ELAVL1: variants seen among roughly 807,000 people sequenced by gnomAD.
The protein encoded by ELAVL1 is ELAV-like protein 1.
Under a neutral mutation model 28.4 loss-of-function variants are expected in ELAVL1, and 1 was observed. The ratio of observed to expected loss-of-function variants is 0.04; its 90% CI spans 0.01 to 0.17. ELAVL1 has a LOEUF of 0.17. ELAVL1 is among the 10% of genes least tolerant of loss of function. ELAVL1 has a pLI of 1.00. For missense variants in ELAVL1, 157 were observed against 447.2 expected (o/e 0.35, Z 5.85); for synonymous variants, 174 against 183.5 (o/e 0.95, Z 0.42).
rs758573648 is a variant in ELAVL1 at position 7,959,271 on chromosome 19, C to T, written c.*4212G>A. 6.6e-6 allele frequency: 1 copy of T among 152,334 alleles called. No individual in the cohort carries two copies. Among genetic ancestry groups the T allele is most frequent in the Non-Finnish European group, 1.5e-5 (1 of 67,992 alleles). The allele number at this position is 152,334 out of a possible 1,614,324, so 9.4% of individuals were successfully genotyped here. ...AACAAAGTTAAAATGAAAAATGGCA[C>T]CTGAAAAATAAATTATTTTATATAA... On this transcript the variant is annotated 3_prime_UTR_variant, in exon 6 of 6. Coordinates refer to ENST00000407627, the MANE Select transcript of ELAVL1 (RefSeq NM_001419.3).
In ELAVL1 at chr19:7,979,886, T is replaced by C. The variant is rs1985406334; in HGVS notation, c.276+1197A>G. Among the ~76,000 whole-genome samples, 1 of 152,044 alleles carries C rather than the reference T, an allele frequency of 6.6e-6. No homozygotes were observed. ...AGCTGTTGGCTGAAGGTGCTGTCAC[T>C]GTCAGGTCACAGAACCCCTCTTGGT... On this transcript the variant is annotated intron_variant, in intron 3 of 5. Coordinates refer to ENST00000407627, the MANE Select transcript of ELAVL1 (RefSeq NM_001419.3). The surrounding 1 kb of genome is among the most constrained non-coding windows in gnomAD (Gnocchi z 5.4).
intron 3 of ELAVL1, among the ~76,000 whole-genome samples, chr19:7,980,448 A>C (rs1013289753): frequency 6.6e-6 from 1 of 152,118 alleles, no homozygotes; most frequent in African/African-American, 2.4e-5. Context: ...AGTGCACGAG[A>C]GCGCGGGTCA....
intron 5 of ELAVL1, among the ~76,000 whole-genome samples, chr19:7,966,046 AAAC>A (rs1984946993): frequency 6.6e-6 from 1 of 152,188 alleles, no homozygotes; most frequent in African/African-American, 2.4e-5. Flanking sequence ...TTCACTGTTA[AAAC>A]AACGATGGGG....
intron 4 of ELAVL1, among the ~76,000 whole-genome samples, chr19:7,968,822 AGCCCGTCCCTTGAG>A (rs1395223627): frequency 6.6e-6 from 1 of 152,214 alleles, no homozygotes; most frequent in African/African-American, 2.4e-5. Flanking sequence ...AAACATGAGT[AGCCCGTCCCTTGAG>A]GAACCTGGGA....
intron 2 of ELAVL1, among the ~76,000 whole-genome samples, chr19:7,985,214 C>T (rs1468612134): frequency 6.6e-6 from 1 of 152,242 alleles, no homozygotes; most frequent in Non-Finnish European, 1.5e-5. Flanking sequence ...GCCACCGCGC[C>T]CAGCCTCCTC....
At chr19:7,991,933 T>TC (rs34552465) in intron 1 of ELAVL1, 102 bp from the exon 2 acceptor site, 16 of 266,734 alleles carry the variant, frequency 6.0e-5, no homozygotes, top group Non-Finnish European at 8.0e-5. Flanking sequence ...TCTTTCTTTC[T>TC]TTTTTTTTTT....
intron 1 of ELAVL1, among the ~76,000 whole-genome samples, chr19:8,005,210 C>G (rs1347575538): frequency 2.0e-5 from 3 of 151,968 alleles, no homozygotes; most frequent in African/African-American, 7.2e-5. Flanking sequence ...CGACCGGGGC[C>G]CCCGGCCGTG....
chr19:7,976,417 AT>A (rs967392710), intron 3 of ELAVL1, among the ~76,000 whole-genome samples: 1 of 151,678 alleles, frequency 6.6e-6, no homozygotes. Flanking sequence ...AAAAAAAAGT[AT>A]TTTTTTTGAA....
At chr19:7,973,370 A>G in intron 4 of ELAVL1, 3 of 368,916 alleles carry the variant, frequency 8.1e-6, no homozygotes, top group South Asian at 1.1e-4. Context: ...AGCTGGGACT[A>G]CAGGCGCCCG....
intron 4 of ELAVL1, 146 bp downstream of exon 4, chr19:7,973,578 CA>C: frequency 9.3e-7 from 1 of 1,069,958 alleles, no homozygotes; most frequent in Non-Finnish European, 1.3e-6. Flanking sequence ...CTCCTCAAAC[CA>C]AAGCCAACGT....
intron 5 of ELAVL1, among the ~76,000 whole-genome samples, chr19:7,966,849 C>G (rs1006492399): frequency 6.6e-6 from 1 of 151,972 alleles, no homozygotes; most frequent in Non-Finnish European, 1.5e-5. Context: ...AAACTCGGGG[C>G]TTCAAGTAAT....
rs546851335 is a variant in ELAVL1, at chr19:7,972,397, A to C, written c.430+1328T>G. Among the ~76,000 whole-genome samples, 84 of 152,326 alleles carry C rather than the reference A, an allele frequency of 5.5e-4. 1 individual carries two copies. Among genetic ancestry groups the C allele is most frequent in the African/African-American group, 1.9e-3 (78 of 41,590 alleles). On this transcript the variant is annotated intron_variant, in intron 4 of 5. Coordinates refer to ENST00000407627, the MANE Select transcript of ELAVL1 (RefSeq NM_001419.3). The stretch of plus-strand genomic sequence containing the variant: ...CTGCTCATCTCTGCCTGACGGCATC[A>C]CACAAAGCCCAGAGCCCACATCCAG...
At chr19:7,970,965 T>C (rs1985093606) in intron 4 of ELAVL1, among the ~76,000 whole-genome samples, 2 of 152,166 alleles carry the variant, frequency 1.3e-5, no homozygotes, top group Non-Finnish European at 1.5e-5. Context: ...GCTACAGCCC[T>C]GGGATGGGAG....
rs148294983 is a variant in ELAVL1 at position 7,959,587 on chromosome 19, G to C, written c.*3896C>G. 2 of 152,118 alleles carry C rather than the reference G, an allele frequency of 1.3e-5. No individual in the cohort carries two copies. Among genetic ancestry groups the C allele is most frequent in the Non-Finnish European group, 2.9e-5 (2 of 68,030 alleles). The allele number at this position is 152,118 out of a possible 1,614,324, so 9.4% of individuals were successfully genotyped here. ...TTTTAAATGGCCAAGAAAGAAACCTGAACGATGTCACTGAAAGGTTGTAGA... is the reference window on the plus strand; with the variant it reads ...TTTTAAATGGCCAAGAAAGAAACCTCAACGATGTCACTGAAAGGTTGTAGA... On this transcript the variant is annotated 3_prime_UTR_variant, in exon 6 of 6. Transcript: ENST00000407627.
At chr19:7,991,932 C>CTT (rs398033838) in intron 1 of ELAVL1, 101 bp from the exon 2 acceptor site, 19,417 of 643,378 alleles carry the variant, frequency 0.03, 1 homozygote, top group Non-Finnish European at 0.034. Flanking sequence ...TTCTTTCTTT[C>CTT]TTTTTTTTTT....
intron 3 of ELAVL1, among the ~76,000 whole-genome samples, chr19:7,976,965 G>T (rs1385396074): frequency 2.6e-5 from 4 of 151,826 alleles, no homozygotes; most frequent in Admixed American, 6.6e-5. Context: ...CTGGATTACA[G>T]GCATGCACCA....
At chr19:7,986,772 G>A (rs1415972578) in intron 2 of ELAVL1, among the ~76,000 whole-genome samples, 1 of 152,196 alleles carries the variant, frequency 6.6e-6, no homozygotes, top group Admixed American at 6.5e-5. Context: ...GAGATGTTCA[G>A]CGAAGTGGAA....
At chr19:7,996,445 T>C (rs1473518971) in intron 1 of ELAVL1, among the ~76,000 whole-genome samples, 1 of 150,302 alleles carries the variant, frequency 6.7e-6, no homozygotes, top group Admixed American at 6.6e-5. Flanking sequence ...CACCTCGGCC[T>C]CCCAAAGTGC....
At position 7,979,079 on chromosome 19, in the gene ELAVL1, G is replaced by A. The variant is rs1361318195; in HGVS notation, c.276+2004C>T. ...GAATGAACACACTTGGAGCACAGAG[G>A]ACCCCAGGGCTGCGCCGGGGGAACT... On this transcript the variant is annotated intron_variant, in intron 3 of 5. Transcript: ENST00000407627. This position sits in a 1 kb window ranked among gnomAD's most constrained non-coding sequence, Gnocchi z 5.4. Among the ~76,000 whole-genome samples, 1 of 152,236 alleles carries A rather than the reference G, an allele frequency of 6.6e-6. No homozygotes were observed. The highest frequency in any genetic ancestry group is 1.5e-5 in the Non-Finnish European group (1 of 68,032).
Sources: allele counts gnomAD v4.1 joint callset (sites outside exome capture counted in the v4.1 genomes callset), GRCh38; gene constraint gnomAD v4.1.1; non-coding constraint Gnocchi (gnomAD v3.1); transcripts MANE v1.5; gene names NCBI Gene and HGNC (gene_info 2026-07-23, HGNC 2026-07-21).